The following CUBN variants were observed in gnomAD, a reference collection of about 807,000 sequenced individuals.
CUBN encodes 460 kDa receptor.
In CUBN, 282 loss-of-function variants were observed where a neutral mutation model predicts 405.3. That is an observed-to-expected ratio of 0.70 (90% confidence interval 0.63 to 0.77). The LOEUF (loss-of-function observed/expected upper bound fraction) is 0.77, where lower values mean the gene tolerates loss of function less well. Among genes scored for constraint, CUBN ranks in the 30% least tolerant of loss-of-function variants. CUBN has a pLI of 0.00. For missense variants in CUBN, 4,514 were observed against 4,475.2 expected, an observed-to-expected ratio of 1.01 and a Z score of -0.25; for synonymous variants, 1,684 against 1,617.0, an observed-to-expected ratio of 1.04 and a Z score of -0.99.
intron 59 of CUBN, among the ~76,000 whole-genome samples, chr10:16,857,236 G>C (rs1891476): frequency 0.04 from 6,056 of 152,126 alleles, 398 homozygotes; most frequent in African/African-American, 0.14. Flanking sequence ...CACTTAATTT[G>C]ACTCACTTTA....
At chr10:17,005,834 A>G (rs995076449) in intron 28 of CUBN, among the ~76,000 whole-genome samples, 23 of 152,270 alleles carry the variant, frequency 1.5e-4, no homozygotes, top group African/African-American at 5.5e-4. Flanking sequence ...TAACTCCCAG[A>G]CCTCAGAATG....
Position 16,899,127 on chromosome 10 carries a change from G to C in CUBN, c.8467C>G (p.Gln2823Glu). 6.2e-7 allele frequency: 1 copy of C among 1,613,978 alleles called. No individual in the cohort carries two copies. Among genetic ancestry groups the C allele is most frequent in the Non-Finnish European group, 8.5e-7 (1 of 1,179,866 alleles). Reference protein sequence around the residue: ...NGTIRSPHWPQNFPENSRCSW... With the variant: ...NGTIRSPHWPENFPENSRCSW... ...CATCTGCTGTTTTCGGGAAAATTCT[G>C]AGGCCAGTGAGGGGATCTGATTGTA... Residue 2823 changes from glutamine (Q) to glutamate (E), a missense_variant, in exon 54 of 67, where the codon CAG becomes GAG. Transcript: ENST00000377833.
At chr10:17,040,516 C>T (rs1004710456) in intron 27 of CUBN, among the ~76,000 whole-genome samples, 2 of 152,062 alleles carry the variant, frequency 1.3e-5, no homozygotes, top group East Asian at 1.9e-4. Context: ...AGATTTATTG[C>T]CTGAAATTGC....
At position 16,864,977 on chromosome 10, in the gene CUBN, T is replaced by G. The variant is rs866074594; in HGVS notation, c.9454+4659A>C. Among the ~76,000 whole-genome samples, 545 of 70,732 alleles carry G rather than the reference T, an allele frequency of 7.7e-3. 9 individuals carry two copies. The highest frequency in any genetic ancestry group is 0.056 in the African/African-American group (488 of 8,640). 46.4% of individuals were successfully genotyped at this position (70,732 alleles called of 152,430 possible). A position where few individuals can be genotyped will look rare whatever the true frequency, so the allele number is the denominator to read the frequency against. On this transcript the variant is annotated intron_variant, in intron 59 of 66. Transcript: ENST00000377833. The stretch of plus-strand genomic sequence containing the variant: ...TTTTTTTTTTTTTTTTTTTTTTTTT[T>G]GGGACGGAGTTTTGCTCTTGTTGCC...
Position 16,952,257 on chromosome 10 carries a change from T to C in CUBN, c.4969+19A>G, listed in dbSNP as rs894159433. On this transcript the variant is annotated intron_variant, in intron 33 of 66. Coordinates refer to ENST00000377833, the MANE Select transcript of CUBN (RefSeq NM_001081.4). ...CCTTCTCTCCTGTGTGCCTTTTCTT[T>C]TTCATTTTTGTTACTTACATGGAGG... The C allele has an allele frequency of 3.2e-6, 5 of 1,578,432 alleles. No individual in the cohort carries two copies. The Admixed American group carries it at 6.7e-5, about 21-fold the overall frequency.
chr10:17,024,990 A>G (rs1391888055), intron 27 of CUBN, among the ~76,000 whole-genome samples: 2 of 152,200 alleles, frequency 1.3e-5, no homozygotes, highest in Non-Finnish European at 2.9e-5. Flanking sequence ...TCATGTAGAA[A>G]AAGCAACTCA....
intron 6 of CUBN, among the ~76,000 whole-genome samples, chr10:17,119,955 A>T (rs1836998977): frequency 6.6e-6 from 1 of 152,210 alleles, no homozygotes; most frequent in South Asian, 2.1e-4. Context: ...ACAATGGCAA[A>T]TTATTAATCC....
intron 28 of CUBN, among the ~76,000 whole-genome samples, chr10:16,994,485 T>C (rs940819901): frequency 3.4e-4 from 52 of 152,150 alleles, no homozygotes; most frequent in Admixed American, 3.4e-3. Flanking sequence ...CATCCTGCCA[T>C]TACCAGTCAT....
chr10:16,939,103 AG>A lies in CUBN; in HGVS notation c.5592del (p.Ser1865LeufsTer18). 6.2e-7 allele frequency: 1 copy of A among 1,613,990 alleles called. No homozygotes were observed. The highest frequency in any genetic ancestry group is 1.3e-5 in the African/African-American group (1 of 75,026). ...DNIVGTHGKVASPFWPENYPH... is the reference protein window; with the variant it reads ...DNIVGTHGKVXSPFWPENYPH... Reference sequence around the variant, plus strand: ...GGGTAGTTTTCAGGCCAGAAAGGAGAGGCGACTTTCCCATGAGTTCCCACAA... The same window carrying A: ...GGGTAGTTTTCAGGCCAGAAAGGAGAGCGACTTTCCCATGAGTTCCCACAA... On this transcript the variant is annotated frameshift_variant, in exon 38 of 67. Transcript: ENST00000377833. LOFTEE classifies it high-confidence loss of function.
intron 14 of CUBN, among the ~76,000 whole-genome samples, chr10:17,094,688 T>C (rs1312765236): frequency 6.6e-6 from 1 of 152,066 alleles, no homozygotes; most frequent in African/African-American, 2.4e-5. Context: ...CTTAGGAATG[T>C]ATTTAACCAA....
intron 2 of CUBN, among the ~76,000 whole-genome samples, chr10:17,128,482 A>C (rs1351730665): frequency 6.6e-6 from 1 of 152,218 alleles, no homozygotes; most frequent in Non-Finnish European, 1.5e-5. Flanking sequence ...GTAAGGCAGG[A>C]GAATAACTGG....
chr10:17,002,240 G>C (rs1374894553), intron 28 of CUBN, among the ~76,000 whole-genome samples: 10 of 147,696 alleles, frequency 6.8e-5, no homozygotes, highest in Non-Finnish European at 1.2e-4. Context: ...ATTTGAAACT[G>C]AAAAAAAAAA....
At chr10:16,892,152 AT>A (rs752536819) in intron 54 of CUBN, among the ~76,000 whole-genome samples, 53 of 152,220 alleles carry the variant, frequency 3.5e-4, no homozygotes, top group Non-Finnish European at 7.3e-4. Context: ...TGGTTTAATA[AT>A]TCTCAGCTCT....
chr10:16,891,917 C>T (rs1047070080), intron 54 of CUBN, among the ~76,000 whole-genome samples: 20 of 152,108 alleles, frequency 1.3e-4, no homozygotes, highest in South Asian at 4.1e-4. Context: ...CCCTTTCTAT[C>T]AACAGACAAC....
At chr10:16,949,593 T>G (rs755831670) in intron 34 of CUBN, among the ~76,000 whole-genome samples, 34 of 151,760 alleles carry the variant, frequency 2.2e-4, no homozygotes, top group South Asian at 1.5e-3. Context: ...ATTAATTATC[T>G]AATTAAGTGC....
At chr10:16,912,262 A>G (rs1213217243) in intron 48 of CUBN, among the ~76,000 whole-genome samples, 1 of 152,238 alleles carries the variant, frequency 6.6e-6, no homozygotes, top group African/African-American at 2.4e-5. Flanking sequence ...TCACTACCCA[A>G]CAGGAGACGA....
At chr10:16,985,689 C>T (rs1216964318) in intron 29 of CUBN, among the ~76,000 whole-genome samples, 1 of 152,258 alleles carries the variant, frequency 6.6e-6, no homozygotes, top group Admixed American at 6.5e-5. Context: ...TGCCAATCTG[C>T]ATGCTCCCCC....
At chr10:16,921,332 T>C (rs187811562) in intron 43 of CUBN, among the ~76,000 whole-genome samples, 1 of 152,284 alleles carries the variant, frequency 6.6e-6, no homozygotes, top group African/African-American at 2.4e-5. Context: ...CTACACTCTA[T>C]TTTTCCCTCT....
chr10:17,003,953 G>A (rs1421952760), intron 28 of CUBN, among the ~76,000 whole-genome samples: 2 of 152,078 alleles, frequency 1.3e-5, no homozygotes, highest in African/African-American at 2.4e-5. Flanking sequence ...TCCTTACTAC[G>A]TTAAGTTCAC....
Sources: gnomAD v4.1 joint callset for allele counts (sites outside exome capture counted in the v4.1 genomes callset) on GRCh38, gnomAD v4.1.1 for gene constraint, MANE v1.5 for transcripts, NCBI Gene and HGNC (gene_info 2026-07-23, HGNC 2026-07-21) for gene names.